The following FAM135B variants were observed in gnomAD, a reference collection of about 807,000 sequenced individuals.
FAM135B encodes the protein family with sequence similarity 135 member B.
A neutral mutation model predicts 127.7 loss-of-function variants in FAM135B; 43 were observed. That is an observed-to-expected ratio of 0.34 (90% CI 0.26 to 0.43). The LOEUF (loss-of-function observed/expected upper bound fraction) is 0.43. FAM135B is among the 20% of genes least tolerant of loss of function. The pLI is 1.00. For missense variants in FAM135B, 1,558 were observed against 1,725.6 expected (o/e 0.90, Z 1.72); for synonymous variants, 670 against 665.1 (o/e 1.01, Z -0.11).
At chr8:138,300,033 T>G (rs980255788) in intron 3 of FAM135B, among the ~76,000 whole-genome samples, 2 of 152,060 alleles carry the variant, frequency 1.3e-5, no homozygotes, top group Non-Finnish European at 2.9e-5. Context: ...GGTGGCAAGA[T>G]CTCGGCTCAC....
intron 2 of FAM135B, among the ~76,000 whole-genome samples, chr8:138,362,023 G>A (rs1403646059): frequency 1.3e-5 from 2 of 151,954 alleles, no homozygotes; most frequent in Non-Finnish European, 2.9e-5. Flanking sequence ...GATATTTATG[G>A]GGCACATAAG....
intron 1 of FAM135B, among the ~76,000 whole-genome samples, chr8:138,457,278 T>A (rs1836840500): frequency 6.6e-6 from 1 of 151,264 alleles, no homozygotes. Context: ...TGAGCAGGAG[T>A]GAGAGCCGTG....
At chr8:138,232,313 A>G (rs914973234) in intron 7 of FAM135B, among the ~76,000 whole-genome samples, 3 of 152,214 alleles carry the variant, frequency 2.0e-5, no homozygotes, top group Non-Finnish European at 2.9e-5. Context: ...TGACATCTCC[A>G]TCATGCCCAG....
At chr8:138,464,873 T>C (rs1348463625) in intron 1 of FAM135B, among the ~76,000 whole-genome samples, 5 of 152,246 alleles carry the variant, frequency 3.3e-5, no homozygotes, top group African/African-American at 1.2e-4. Context: ...AGTGTCTTTC[T>C]GTACCTTGGC....
chr8:138,208,430 C>T (rs574176529), intron 7 of FAM135B, among the ~76,000 whole-genome samples: 14 of 152,128 alleles, frequency 9.2e-5, no homozygotes, highest in Non-Finnish European at 1.9e-4. Context: ...GTTTTCATTT[C>T]TTATTCCTAA....
intron 1 of FAM135B, among the ~76,000 whole-genome samples, chr8:138,416,604 G>A (rs1448351484): frequency 6.6e-6 from 1 of 152,086 alleles, no homozygotes; most frequent in East Asian, 1.9e-4. Flanking sequence ...ATACACCAAT[G>A]TATGTCAGAT....
intron 7 of FAM135B, among the ~76,000 whole-genome samples, chr8:138,204,870 T>C (rs1031253711): frequency 3.9e-5 from 6 of 152,216 alleles, no homozygotes; most frequent in Admixed American, 1.3e-4. Flanking sequence ...ATTGTTTGTG[T>C]TACAATTATG....
chr8:138,205,309 C>A (rs1336038839), intron 7 of FAM135B, among the ~76,000 whole-genome samples: 1 of 152,126 alleles, frequency 6.6e-6, no homozygotes, highest in African/African-American at 2.4e-5. Context: ...GATCAAGAAT[C>A]CAGACATGAT....
chr8:138,167,712 C>T (rs1162539055), intron 12 of FAM135B, among the ~76,000 whole-genome samples, 183 bp downstream of exon 12: 1 of 152,078 alleles, frequency 6.6e-6, no homozygotes, highest in Non-Finnish European at 1.5e-5. Context: ...TTTGTTAGAT[C>T]GTTTTGTCTA....
chr8:138,295,105 T>C (rs1294848532), intron 3 of FAM135B, among the ~76,000 whole-genome samples: 1 of 6,148 alleles, frequency 1.6e-4, no homozygotes, highest in African/African-American at 4.4e-4. Flanking sequence ...GCTGGTGCTT[T>C]TTTTTTTTTT....
chr8:138,345,383 G>A (rs1380842404), intron 2 of FAM135B, among the ~76,000 whole-genome samples: 5 of 152,234 alleles, frequency 3.3e-5, no homozygotes, highest in South Asian at 2.1e-4. Context: ...AGGAGTTGGC[G>A]AGAGAACACT....
rs1054895967 is a variant in FAM135B at position 138,177,373 on chromosome 8, A to G, written c.1077T>C (p.Leu359=). 8.7e-6 allele frequency: 14 copies of G among 1,613,704 alleles called. No individual in the cohort carries two copies. The highest frequency in any genetic ancestry group is 3.3e-5 in the Admixed American group (2 of 59,984). ...EAFFYMEHQK[L]AVLTFQENLI... Reference sequence around the variant, plus strand: ...GATTCTCCTGAAATGTCAGGACTGCAAGTTTTTGGTGCTCCATGTAAAAGA... The same window carrying G: ...GATTCTCCTGAAATGTCAGGACTGCGAGTTTTTGGTGCTCCATGTAAAAGA... Residue 359 remains leucine (L), a synonymous_variant, in exon 11 of 20, where the codon CTT becomes CTC. Transcript: ENST00000395297.
intron 1 of FAM135B, among the ~76,000 whole-genome samples, chr8:138,445,678 C>T (rs1222329732): frequency 6.6e-6 from 1 of 152,252 alleles, no homozygotes; most frequent in South Asian, 2.1e-4. Context: ...CTATTTATGA[C>T]AAACCCACGG....
At chr8:138,344,633 T>C (rs1829287642) in intron 2 of FAM135B, among the ~76,000 whole-genome samples, 1 of 145,952 alleles carries the variant, frequency 6.9e-6, no homozygotes, top group Non-Finnish European at 1.5e-5. Context: ...TGGAGTGCAG[T>C]GGCGCGATCT....
chr8:138,388,928 G>T (rs1475149571), intron 1 of FAM135B, among the ~76,000 whole-genome samples: 1 of 151,798 alleles, frequency 6.6e-6, no homozygotes, highest in Non-Finnish European at 1.5e-5. Context: ...GTCAGTGTAG[G>T]TCTATTTGTT....
At chr8:138,350,650 G>T (rs968481922) in intron 2 of FAM135B, among the ~76,000 whole-genome samples, 3 of 152,118 alleles carry the variant, frequency 2.0e-5, no homozygotes, top group Non-Finnish European at 4.4e-5. Flanking sequence ...AAACAGAAAA[G>T]GCCTTGATTA....
intron 9 of FAM135B, among the ~76,000 whole-genome samples, chr8:138,189,329 G>GCATTCACCACTCTTCAATT (rs1563748044): frequency 6.6e-6 from 1 of 151,998 alleles, no homozygotes. Context: ...GCAAGCCTCC[G>GCATTCACCACTCTTCAATT]CATTCACCAC....
At chr8:138,178,939 A>G (rs984736132) in intron 9 of FAM135B, among the ~76,000 whole-genome samples, 2 of 152,178 alleles carry the variant, frequency 1.3e-5, no homozygotes, top group African/African-American at 4.8e-5. Flanking sequence ...AAACATCCAA[A>G]GCCCTTAGTC....
chr8:138,463,626 G>C (rs534477661), intron 1 of FAM135B, among the ~76,000 whole-genome samples: 2 of 152,100 alleles, frequency 1.3e-5, no homozygotes, highest in African/African-American at 4.8e-5. Flanking sequence ...AAATACCAAA[G>C]GTCCTGTAAC....
Sources: allele counts gnomAD v4.1 joint callset (sites outside exome capture counted in the v4.1 genomes callset), GRCh38; gene constraint gnomAD v4.1.1; transcripts MANE v1.5; gene names NCBI Gene and HGNC (gene_info 2026-07-23, HGNC 2026-07-21).